Variants in CLOCK observed in about 807,000 individuals in gnomAD.
CLOCK encodes the protein clock circadian regulator.
In CLOCK, 43 loss-of-function variants were observed where a neutral mutation model predicts 118.4. The ratio of observed to expected loss-of-function variants is 0.36; its 90% CI spans 0.28 to 0.47. The LOEUF is 0.47. CLOCK is among the 20% of genes least tolerant of loss of function. CLOCK has a pLI of 1.00. For missense variants in CLOCK, 846 were observed against 999.9 expected (o/e 0.85, Z 2.08); for synonymous variants, 326 against 339.2 (o/e 0.96, Z 0.43).
intron 14 of CLOCK, 99 bp downstream of exon 14, chr4:55,453,578 C>T (rs959171827): frequency 3.8e-5 from 35 of 925,240 alleles, no homozygotes; most frequent in Middle Eastern, 3.1e-4. Flanking sequence ...GAGAAAAGAG[C>T]ACTTTGTAGC....
intron 2 of CLOCK, among the ~76,000 whole-genome samples, chr4:55,507,256 T>C (rs932865230): frequency 2.0e-5 from 3 of 151,982 alleles, no homozygotes; most frequent in Non-Finnish European, 4.4e-5. Flanking sequence ...TGCAGTGAGC[T>C]GAGATCATGC....
At chr4:55,480,681 G>A (rs1726859002) in intron 4 of CLOCK, among the ~76,000 whole-genome samples, 3 of 152,106 alleles carry the variant, frequency 2.0e-5, no homozygotes, top group Admixed American at 2.0e-4. Context: ...ACGAGGTCCA[G>A]GAGATCGAGA....
chr4:55,474,852 C>T (rs564876029), intron 7 of CLOCK, among the ~76,000 whole-genome samples: 25 of 152,264 alleles, frequency 1.6e-4, no homozygotes, highest in Middle Eastern at 3.4e-3. Flanking sequence ...TACTATTGCT[C>T]GCTGACAATG....
At chr4:55,532,945 A>G (rs1730649719) in intron 1 of CLOCK, among the ~76,000 whole-genome samples, 1 of 152,186 alleles carries the variant, frequency 6.6e-6, no homozygotes, top group African/African-American at 2.4e-5. Flanking sequence ...GAAAACTACA[A>G]AACATCGCTA....
chr4:55,443,918 T>G (rs2109694351), intron 19 of CLOCK, 22 bp from the exon 20 acceptor site: 1 of 1,595,926 alleles, frequency 6.3e-7, no homozygotes, highest in East Asian at 2.2e-5. Flanking sequence ...AAGATTATGT[T>G]AAAATGAGCT....
chr4:55,458,832 T>C (rs201610518), intron 11 of CLOCK, 60 bp downstream of exon 11: 226 of 1,200,618 alleles, frequency 1.9e-4, no homozygotes, highest in Non-Finnish European at 2.7e-4. Context: ...GCAGGAAGTT[T>C]CAGGCAGCTC....
intron 1 of CLOCK, among the ~76,000 whole-genome samples, chr4:55,518,553 C>A (rs1400770370): frequency 6.6e-6 from 1 of 152,138 alleles, no homozygotes; most frequent in Non-Finnish European, 1.5e-5. Context: ...GAAACTTAAT[C>A]CCCAATGTGA....
At chr4:55,448,330 A>C (rs940919746) in intron 18 of CLOCK, among the ~76,000 whole-genome samples, 13 of 152,198 alleles carry the variant, frequency 8.5e-5, no homozygotes, top group African/African-American at 2.7e-4. Context: ...GAACAAAATG[A>C]ACAGCTACAT....
intron 8 of CLOCK, among the ~76,000 whole-genome samples, chr4:55,465,492 T>A (rs560576677): frequency 6.6e-5 from 10 of 152,352 alleles, no homozygotes; most frequent in African/African-American, 2.2e-4. Flanking sequence ...CAGGGCACAT[T>A]AACACCGTGC....
chr4:55,482,678 A>T (rs1401813383), intron 4 of CLOCK, 61 bp downstream of exon 4: 2 of 1,127,726 alleles, frequency 1.8e-6, no homozygotes, highest in Admixed American at 4.3e-5. Flanking sequence ...ATAGACCATT[A>T]TTCTAATAGT....
At chr4:55,500,693 T>C (rs2109987595) in intron 2 of CLOCK, among the ~76,000 whole-genome samples, 1 of 152,310 alleles carries the variant, frequency 6.6e-6, no homozygotes, top group South Asian at 2.1e-4. Context: ...TACTCCACTT[T>C]TGCCTATCCA....
Position 55,450,171 on chromosome 4 carries a change from C to T in CLOCK, c.1268G>A (p.Arg423Lys), listed in dbSNP as rs1383006337. ...AGAAGGGGTTGGGCTGTGATCAAACCTTTCCAATGCTTCCTTGAGACTGAC... is the reference window on the plus strand; with the variant it reads ...AGAAGGGGTTGGGCTGTGATCAAACTTTTCCAATGCTTCCTTGAGACTGAC... ...NTVSLKEALERFDHSPTPSAS... is the reference protein window; with the variant it reads ...NTVSLKEALEKFDHSPTPSAS... Residue 423 changes from arginine to lysine, a missense_variant, in exon 16 of 23, where the codon AGG (arginine) becomes AAG (lysine). This residue lies in a region of CLOCK where 520 missense variants were observed against 558.0 expected (regional missense o/e 0.93). Coordinates refer to ENST00000513440, the MANE Select transcript of CLOCK (RefSeq NM_004898.4). 6.2e-7 allele frequency: 1 copy of T among 1,613,834 alleles called. No individual in the cohort carries two copies. Among genetic ancestry groups the T allele is most frequent in the African/African-American group, 1.3e-5 (1 of 74,842 alleles).
At position 55,433,088 on chromosome 4, in the gene CLOCK, C is replaced by T. The variant is rs1034393023; in HGVS notation, c.*2327G>A. 1 of 152,418 alleles carries T rather than the reference C, an allele frequency of 6.6e-6. No individual in the cohort carries two copies. Among genetic ancestry groups the T allele is most frequent in the Non-Finnish European group, 1.5e-5 (1 of 68,004 alleles). The allele number at this position is 152,418 out of a possible 1,614,324, so 9.4% of individuals were successfully genotyped here. On this transcript the variant is annotated 3_prime_UTR_variant, in exon 23 of 23. Transcript: ENST00000513440. ...GTATTGCCAATAAATAAATGAGGCA[C>T]AACTCAGATATATATGGAATGGCAT...
In CLOCK at chr4:55,438,265, C is replaced by T. The variant is rs147100605; in HGVS notation, c.2361+17G>A. 2 of 1,613,924 alleles carry T rather than the reference C, an allele frequency of 1.2e-6. No individual in the cohort carries two copies. Among genetic ancestry groups the T allele is most frequent in the Non-Finnish European group, 8.5e-7 (1 of 1,179,892 alleles). ...AAGTAAATGAGTTTGAAGCAGCTTC[C>T]CCATGGGGAGAATTACCTGTAAAAA... On this transcript the variant is annotated intron_variant, in intron 22 of 22. Transcript: ENST00000513440.
intron 1 of CLOCK, among the ~76,000 whole-genome samples, chr4:55,517,638 A>T (rs373501040): frequency 1.3e-5 from 2 of 152,214 alleles, no homozygotes; most frequent in African/African-American, 4.8e-5. Context: ...GTCTGGTTGC[A>T]GTATCAGGAT....
chr4:55,503,897 T>A (rs1338478017), intron 2 of CLOCK, among the ~76,000 whole-genome samples: 1 of 148,256 alleles, frequency 6.7e-6, no homozygotes, highest in Non-Finnish European at 1.5e-5. Context: ...TACTTCTTCT[T>A]AGTGTAATTA....
At chr4:55,485,527 A>T (rs559584216) in intron 3 of CLOCK, among the ~76,000 whole-genome samples, 1 of 152,274 alleles carries the variant, frequency 6.6e-6, no homozygotes, top group African/African-American at 2.4e-5. Context: ...AGCTAGAGTC[A>T]CACTTGTCCA....
At chr4:55,541,818 C>G (rs1325880826) in intron 1 of CLOCK, among the ~76,000 whole-genome samples, 1 of 148,046 alleles carries the variant, frequency 6.8e-6, no homozygotes, top group Non-Finnish European at 1.5e-5. Flanking sequence ...AGCTATCAGT[C>G]TCACAGATGC....
At chr4:55,446,440 C>T (rs533874968) in intron 18 of CLOCK, among the ~76,000 whole-genome samples, 1 of 152,250 alleles carries the variant, frequency 6.6e-6, no homozygotes, top group East Asian at 1.9e-4. Flanking sequence ...CAATTTCTGT[C>T]ATCCCTAGAA....
Sources: allele counts gnomAD v4.1 joint callset (sites outside exome capture counted in the v4.1 genomes callset), GRCh38; gene constraint gnomAD v4.1.1; regional missense constraint gnomAD v4.1.1; transcripts MANE v1.5; gene names NCBI Gene and HGNC (gene_info 2026-07-23, HGNC 2026-07-21).